The following PRSS16 variants were observed in gnomAD, a reference collection of about 807,000 sequenced individuals.
PRSS16 encodes thymus-specific serine protease.
PRSS16 carries 43 observed loss-of-function variants against 61.7 expected under a neutral mutation model. The ratio of observed to expected loss-of-function variants is 0.70; its 90% confidence interval spans 0.55 to 0.90. PRSS16 has a LOEUF of 0.90. Ranked by LOEUF, PRSS16 falls within the 40% of genes least tolerant of loss-of-function variation. The pLI is 0.00. For synonymous variants in PRSS16, 273 were observed against 285.2 expected (o/e 0.96, Z 0.43); for missense variants, 591 against 659.1 (o/e 0.90, Z 1.13).
chr6:27,249,019 G>A, intron 3 of PRSS16, 73 bp downstream of exon 3: 3 of 1,517,748 alleles, frequency 2.0e-6, no homozygotes, highest in Non-Finnish European at 2.7e-6. Flanking sequence ...ATATTGCAAT[G>A]CTGTGAGACC....
Position 27,252,827 on chromosome 6 carries a change from G to A in PRSS16, c.1028G>A (p.Gly343Asp). The part of the protein sequence containing the change: ...RAVQIVLHSL[G>D]QKCLSFSRAE... The stretch of plus-strand genomic sequence containing the variant: ...CCCTAGATTGTCTTGCACAGCCTGG[G>A]CCAGAAGTGTTTAAGCTTTTCCCGA... The change falls in exon 9 of 12, where the codon GGC becomes GAC. Residue 343 changes from glycine to aspartate, a missense_variant. Coordinates refer to ENST00000230582, the MANE Select transcript of PRSS16 (RefSeq NM_005865.4). The surrounding 1 kb of genome is among the most constrained non-coding windows in gnomAD (Gnocchi z 4.2). 1 of 1,614,092 alleles carries A rather than the reference G, an allele frequency of 6.2e-7. No individual in the cohort carries two copies. Among genetic ancestry groups the A allele is most frequent in the Non-Finnish European group, 8.5e-7 (1 of 1,180,030 alleles).
At chr6:27,249,902 C>G (rs1425755572) in intron 4 of PRSS16, among the ~76,000 whole-genome samples, 1 of 152,200 alleles carries the variant, frequency 6.6e-6, no homozygotes, top group Non-Finnish European at 1.5e-5. Flanking sequence ...GCCTCTCACC[C>G]CAGCCTCCTT....
At position 27,248,880 on chromosome 6, in the gene PRSS16, C is replaced by T. The variant is rs754673784; in HGVS notation, c.271C>T (p.Gln91Ter). The change falls in exon 3 of 12, where the codon CAG becomes TAG. Residue 91 changes from glutamine to a stop codon, truncating the protein, a stop_gained. Transcript: ENST00000230582. LOFTEE classifies it high-confidence loss of function. ...GGTGAATGACCAACATTGGGTTGGC[C>T]AGGATGGACCCATATTCCTGCATCT... is the stretch of plus-strand genomic sequence containing the variant. ...YWVNDQHWVG[Q>*]DGPIFLHLGG... 9 of 1,612,596 alleles carry T rather than the reference C, an allele frequency of 5.6e-6. No homozygotes were observed. The Admixed American group carries it at 1.2e-4, about 21-fold the overall frequency.
chr6:27,250,732 A>G lies in PRSS16; in HGVS notation c.517A>G (p.Ile173Val), dbSNP rs751659570. 50 of 1,613,548 alleles carry G rather than the reference A, an allele frequency of 3.1e-5. No homozygotes were observed. Among genetic ancestry groups the G allele is most frequent in the East Asian group, 4.5e-5 (2 of 44,860 alleles). Residue 173 changes from isoleucine to valine, a missense_variant, in exon 5 of 12, where the codon ATC becomes GTC. Transcript: ENST00000230582. ...ARLALSRLFN[I>V]SSSSPWICFG... ...CCTGGCACTTTCCCGCCTCTTTAAC[A>G]TCTCCTCCTCCAGCCCCTGGATCTG...
chr6:27,249,352 T>C, intron 4 of PRSS16, 123 bp downstream of exon 4: 4 of 1,260,866 alleles, frequency 3.2e-6, no homozygotes, highest in Non-Finnish European at 4.3e-6. Flanking sequence ...TGGTTCCCTC[T>C]GTTTTCTTCT....
rs1759941787 is a variant in PRSS16 at position 27,252,721 on chromosome 6, T to G, written c.1009-87T>G. ...AACTCACCCTTCTATTTCTGACTTT[T>G]GACCTCTGGGGACATAGGCCTCTGC... On this transcript the variant is annotated intron_variant, in intron 8 of 11. Coordinates refer to ENST00000230582, the MANE Select transcript of PRSS16 (RefSeq NM_005865.4). This position sits in a 1 kb window ranked among gnomAD's most constrained non-coding sequence, Gnocchi z 4.2. The G allele has an allele frequency of 6.7e-7, 1 of 1,483,292 alleles. No individual in the cohort carries two copies. Among genetic ancestry groups the G allele is most frequent in the Non-Finnish European group, 9.3e-7 (1 of 1,078,604 alleles). The allele number at this position is 1,483,292 out of a possible 1,614,324, so 91.9% of individuals were successfully genotyped here.
In PRSS16 at chr6:27,251,615, G is replaced by GGGGGCGGGGGCCTT; in HGVS notation, c.718-133_718-132insGGCGGGGGCCTTGG. Reference sequence around the variant, plus strand: ...GGCGGGGGCCTGGGGGCGGGGGCCTGGGCCAAGAGCTAGGTCTGCACCCTC... The same window carrying GGGGGCGGGGGCCTT: ...GGCGGGGGCCTGGGGGCGGGGGCCTGGGGGCGGGGGCCTTGGCCAAGAGCTAGGTCTGCACCCTC... On this transcript the variant is annotated intron_variant, in intron 7 of 11. Transcript: ENST00000230582. The surrounding 1 kb of genome is among the most constrained non-coding windows in gnomAD (Gnocchi z 5.6). 1 of 1,164,316 alleles carries GGGGGCGGGGGCCTT rather than the reference G, an allele frequency of 8.6e-7. No homozygotes were observed. Among genetic ancestry groups the GGGGGCGGGGGCCTT allele is most frequent in the Non-Finnish European group, 1.2e-6 (1 of 864,652 alleles). The allele number at this position is 1,164,316 out of a possible 1,614,324, so 72.1% of individuals were successfully genotyped here.
chr6:27,251,690 G>A lies in PRSS16; in HGVS notation c.718-60G>A. 6.5e-7 allele frequency: 1 copy of A among 1,541,624 alleles called. No individual in the cohort carries two copies. The highest frequency in any genetic ancestry group is 2.3e-5 in the East Asian group (1 of 44,232). ...GAACCCAAGGAGGACGCAGGTCCTG[G>A]GTAGGGAAAGCCGAGGCCCAGCCTA... On this transcript the variant is annotated intron_variant, in intron 7 of 11. Transcript: ENST00000230582. This position sits in a 1 kb window ranked among gnomAD's most constrained non-coding sequence, Gnocchi z 5.6.
At chr6:27,254,551 G>T in intron 9 of PRSS16, 142 bp from the exon 10 acceptor site, 1 of 794,560 alleles carries the variant, frequency 1.3e-6, no homozygotes, top group Non-Finnish European at 2.1e-6. Flanking sequence ...GACTGTGTGA[G>T]TCTGTCTGCC....
chr6:27,254,669 A>C, intron 9 of PRSS16, 24 bp from the exon 10 acceptor site: 1 of 1,584,478 alleles, frequency 6.3e-7, no homozygotes, highest in Non-Finnish European at 8.7e-7. Context: ...GTATACCCAC[A>C]CTTACAGGTA....
intron 4 of PRSS16, 113 bp downstream of exon 4, chr6:27,249,342 T>G: frequency 7.5e-7 from 1 of 1,337,492 alleles, no homozygotes; most frequent in Non-Finnish European, 1.0e-6. Context: ...TCTGAGTCTC[T>G]GGTTCCCTCT....
rs9393795 is a variant in PRSS16, at chr6:27,249,940, G to A, written c.467+711G>A. ...GTGCATCTCACTCCTATTAACGACCGCCACCATTTTTCCAACTTTACTTCA... is the reference window on the plus strand; with the variant it reads ...GTGCATCTCACTCCTATTAACGACCACCACCATTTTTCCAACTTTACTTCA... On this transcript the variant is annotated intron_variant, in intron 4 of 11. Transcript: ENST00000230582. Among the ~76,000 whole-genome samples, 20 of 151,900 alleles carry A rather than the reference G, an allele frequency of 1.3e-4. No individual in the cohort carries two copies. The East Asian group carries it at 3.9e-3, about 29-fold the overall frequency.
Position 27,251,703 on chromosome 6 carries a change from G to T in PRSS16, c.718-47G>T. 1 of 1,552,042 alleles carries T rather than the reference G, an allele frequency of 6.4e-7. No individual in the cohort carries two copies. On this transcript the variant is annotated intron_variant, in intron 7 of 11. Coordinates refer to ENST00000230582, the MANE Select transcript of PRSS16 (RefSeq NM_005865.4). This position sits in a 1 kb window ranked among gnomAD's most constrained non-coding sequence, Gnocchi z 5.6. ...ACGCAGGTCCTGGGTAGGGAAAGCC[G>T]AGGCCCAGCCTAAGTCTTGGCGGAC...
At position 27,248,152 on chromosome 6, in the gene PRSS16, T is replaced by TCC. The variant is rs991108230; in HGVS notation, c.237+107_237+108dup. On this transcript the variant is annotated intron_variant, in intron 2 of 11. Transcript: ENST00000230582. ...TTTTTCTCTCTCCACACCTCAGTTC[T>TCC]CCCCATCCCTCTGCTTGAATCTCAT... 4.7e-6 allele frequency: 6 copies of TCC among 1,275,336 alleles called. No homozygotes were observed. In the African/African-American group the frequency reaches 9.1e-5, roughly 19 times the overall value. The allele number at this position is 1,275,336 out of a possible 1,614,324, so 79.0% of individuals were successfully genotyped here. A position where few individuals can be genotyped will look rare whatever the true frequency, so the allele number is the denominator to read the frequency against.
chr6:27,256,613 G>A lies in PRSS16; in HGVS notation c.*1298G>A, dbSNP rs1760034029. On this transcript the variant is annotated 3_prime_UTR_variant, in exon 12 of 12. Transcript: ENST00000230582. ...TTGATCTTTATATAAATGGAAACTT[G>A]CAGTATATATTATATGTTTTTGTGT... 1 of 152,174 alleles carries A rather than the reference G, an allele frequency of 6.6e-6. No homozygotes were observed. Among genetic ancestry groups the A allele is most frequent in the African/African-American group, 2.4e-5 (1 of 41,434 alleles). The allele number at this position is 152,174 out of a possible 1,614,324, so 9.4% of individuals were successfully genotyped here. A position where few individuals can be genotyped will look rare whatever the true frequency, so the allele number is the denominator to read the frequency against.
At chr6:27,250,978 A>G in intron 5 of PRSS16, 64 bp from the exon 6 acceptor site, 1 of 1,596,354 alleles carries the variant, frequency 6.3e-7, no homozygotes. Flanking sequence ...TAAGTGACAC[A>G]GAGGCAGAAA....
intron 9 of PRSS16, chr6:27,254,411 T>C (rs923586069): frequency 2.4e-5 from 9 of 376,940 alleles, no homozygotes; most frequent in Admixed American, 4.2e-5. Context: ...TTGGCTCAGT[T>C]CTACTAATTT....
chr6:27,252,840 A>C lies in PRSS16; in HGVS notation c.1041A>C (p.Leu347Phe). 1 of 1,614,144 alleles carries C rather than the reference A, an allele frequency of 6.2e-7. No individual in the cohort carries two copies. Among genetic ancestry groups the C allele is most frequent in the Non-Finnish European group, 8.5e-7 (1 of 1,180,028 alleles). ...TGCACAGCCTGGGCCAGAAGTGTTT[A>C]AGCTTTTCCCGAGCAGAGACAGTGG... ...IVLHSLGQKC[L>F]SFSRAETVAQ... The change falls in exon 9 of 12, where the codon TTA (leucine) becomes TTC (phenylalanine). Residue 347 changes from leucine to phenylalanine, a missense_variant. By Grantham distance (22) the Leu-to-Phe change is conservative. Coordinates refer to ENST00000230582, the MANE Select transcript of PRSS16 (RefSeq NM_005865.4). This position sits in a 1 kb window ranked among gnomAD's most constrained non-coding sequence, Gnocchi z 4.2.
chr6:27,252,006 C>T lies in PRSS16; in HGVS notation c.974C>T (p.Ser325Phe). The T allele has an allele frequency of 1.9e-6, 3 of 1,571,236 alleles. No homozygotes were observed. The highest frequency in any genetic ancestry group is 2.6e-6 in the Non-Finnish European group (3 of 1,160,876). The change falls in exon 8 of 12, where the codon TCC becomes TTC. Residue 325 changes from serine to phenylalanine, a missense_variant. Ser to Phe is a radical substitution (Grantham distance 155, BLOSUM62 -2). Coordinates refer to ENST00000230582, the MANE Select transcript of PRSS16 (RefSeq NM_005865.4). This position sits in a 1 kb window ranked among gnomAD's most constrained non-coding sequence, Gnocchi z 4.2. The part of the protein sequence containing the change: ...LLGGGGNRSH[S>F]TPYCGLRRAV... ...GGGGGCGGGGGCAACCGCAGCCACTCCACGCCCTACTGCGGGCTTCGTCGG... is the reference window on the plus strand; with the variant it reads ...GGGGGCGGGGGCAACCGCAGCCACTTCACGCCCTACTGCGGGCTTCGTCGG...
Sources: gnomAD v4.1 joint callset for allele counts (sites outside exome capture counted in the v4.1 genomes callset) on GRCh38, gnomAD v4.1.1 for gene constraint, Gnocchi (gnomAD v3.1) non-coding constraint, MANE v1.5 for transcripts, NCBI Gene and HGNC (gene_info 2026-07-23, HGNC 2026-07-21) for gene names.